Variants in YAP1 observed in about 807,000 individuals in gnomAD.
The protein encoded by YAP1 is Yes1 associated transcriptional regulator, also known as transcriptional coactivator YAP1.
YAP1 carries 5 observed loss-of-function variants against 56.9 expected under a neutral mutation model. The observed-to-expected ratio is 0.09, with a 90% CI of 0.05 to 0.18. The LOEUF (loss-of-function observed/expected upper bound fraction) is 0.18. Among genes scored for constraint, YAP1 ranks in the 10% least tolerant of loss-of-function variants. The pLI is 1.00. For synonymous variants in YAP1, 265 were observed against 248.1 expected (o/e 1.07, Z -0.64); for missense variants, 539 against 651.8 (o/e 0.83, Z 1.88).
intron 2 of YAP1, among the ~76,000 whole-genome samples, chr11:102,152,248 A>G (rs1344391769): frequency 6.6e-6 from 1 of 152,210 alleles, no homozygotes; most frequent in Non-Finnish European, 1.5e-5. Flanking sequence ...CTCACCGCTA[A>G]TGAAAAGCTA....
chr11:102,193,569 A>G (rs998455233), intron 4 of YAP1, among the ~76,000 whole-genome samples: 1 of 152,192 alleles, frequency 6.6e-6, no homozygotes, highest in African/African-American at 2.4e-5. Flanking sequence ...GAGTAGACAT[A>G]TGTTACGGAG....
chr11:102,144,921 T>C (rs1347102461), intron 2 of YAP1, among the ~76,000 whole-genome samples: 4 of 151,836 alleles, frequency 2.6e-5, no homozygotes, highest in South Asian at 4.2e-4. Flanking sequence ...CACACACTTA[T>C]TCTGTCTCTC....
At chr11:102,204,037 G>T (rs1949004113) in intron 4 of YAP1, among the ~76,000 whole-genome samples, 1 of 151,976 alleles carries the variant, frequency 6.6e-6, no homozygotes, top group African/African-American at 2.4e-5. Context: ...AGGGAGGTTG[G>T]TCTGTAATAT....
intron 3 of YAP1, among the ~76,000 whole-genome samples, chr11:102,180,550 C>T (rs1315235166): frequency 3.3e-5 from 5 of 151,156 alleles, no homozygotes; most frequent in Admixed American, 2.0e-4. Flanking sequence ...GGCATGGTGG[C>T]GGGCGCCTGT....
At chr11:102,157,821 ACT>A (rs1400830027) in intron 2 of YAP1, among the ~76,000 whole-genome samples, 1 of 152,198 alleles carries the variant, frequency 6.6e-6, no homozygotes, top group Non-Finnish European at 1.5e-5. Flanking sequence ...TGAGCAGGTC[ACT>A]ATCATCAAAA....
At chr11:102,165,872 T>A (rs914009479) in intron 3 of YAP1, among the ~76,000 whole-genome samples, 1 of 152,180 alleles carries the variant, frequency 6.6e-6, no homozygotes, top group Non-Finnish European at 1.5e-5. Context: ...TTAAATACTA[T>A]TAATAGTAGA....
At chr11:102,145,982 T>C (rs146799398) in intron 2 of YAP1, among the ~76,000 whole-genome samples, 162 of 152,288 alleles carry the variant, frequency 1.1e-3, no homozygotes, top group African/African-American at 3.8e-3. Context: ...TTGACCCAGA[T>C]AGTAAAGATA....
At chr11:102,157,930 T>A (rs186941110) in intron 2 of YAP1, among the ~76,000 whole-genome samples, 2 of 152,336 alleles carry the variant, frequency 1.3e-5, no homozygotes, top group Admixed American at 6.5e-5. Context: ...GCTGCATTTT[T>A]AAAAAAGTTT....
chr11:102,212,114 T>G (rs1949432175), intron 6 of YAP1, among the ~76,000 whole-genome samples: 1 of 152,230 alleles, frequency 6.6e-6, no homozygotes, highest in South Asian at 2.1e-4. Flanking sequence ...AAGACATCAC[T>G]CAGTATCTGA....
At position 102,228,959 on chromosome 11, in the gene YAP1, T is replaced by G. The variant is rs960018142; in HGVS notation, c.1277-743T>G. Among the ~76,000 whole-genome samples the G allele has an allele frequency of 5.9e-5, 9 of 152,218 alleles. No individual in the cohort carries two copies. In the East Asian group the frequency reaches 7.7e-4, roughly 13 times the overall value. ...TGATTATCTAGATGTTAAATCATCCTTAGGAGCCACTTCAAACCCATTTCA... is the reference window on the plus strand; with the variant it reads ...TGATTATCTAGATGTTAAATCATCCGTAGGAGCCACTTCAAACCCATTTCA... On this transcript the variant is annotated intron_variant, in intron 8 of 8. Coordinates refer to ENST00000282441, the MANE Select transcript of YAP1 (RefSeq NM_001130145.3).
intron 3 of YAP1, 132 bp from the exon 4 acceptor site, chr11:102,185,886 C>T (rs921368525): frequency 2.2e-6 from 2 of 891,400 alleles, no homozygotes; most frequent in Admixed American, 3.3e-5. Flanking sequence ...TCTCTGAACA[C>T]AGCCTTAAAT....
chr11:102,187,606 C>A (rs966928825), intron 4 of YAP1, among the ~76,000 whole-genome samples: 5 of 152,080 alleles, frequency 3.3e-5, no homozygotes, highest in Non-Finnish European at 5.9e-5. Flanking sequence ...GAATTTTTTT[C>A]CCTGACATAA....
chr11:102,210,592 A>G (rs541780637), intron 6 of YAP1, among the ~76,000 whole-genome samples: 2 of 152,332 alleles, frequency 1.3e-5, no homozygotes, highest in Admixed American at 1.3e-4. Flanking sequence ...ATAATAAGCC[A>G]TCTTCACCAA....
At position 102,175,671 on chromosome 11, in the gene YAP1, A is replaced by G. The variant is rs912782654; in HGVS notation, c.689-10347A>G. ...CTCAATGATACAGCTTATCGCTCTT[A>G]GGCTACAAACCTGGACAGCATGTTA... On this transcript the variant is annotated intron_variant, in intron 3 of 8. Transcript: ENST00000282441. 3.3e-5 allele frequency among the ~76,000 whole-genome samples: 5 copies of G among 152,212 alleles called. No homozygotes were observed. In the East Asian group the frequency reaches 9.6e-4, roughly 29 times the overall value.
chr11:102,209,680 A>T (rs1949298528), intron 6 of YAP1, 116 bp downstream of exon 6: 1 of 939,152 alleles, frequency 1.1e-6, no homozygotes, highest in African/African-American at 1.7e-5. Flanking sequence ...CCAGAGAATA[A>T]CTTTGAGCCA....
At chr11:102,155,981 A>C (rs1945916825) in intron 2 of YAP1, among the ~76,000 whole-genome samples, 1 of 151,988 alleles carries the variant, frequency 6.6e-6, no homozygotes, top group Admixed American at 6.5e-5. Flanking sequence ...ATTACTCCTA[A>C]GTCATGTCAT....
intron 2 of YAP1, among the ~76,000 whole-genome samples, chr11:102,152,985 A>G (rs73582003): frequency 0.015 from 2,312 of 152,310 alleles, 63 homozygotes; most frequent in African/African-American, 0.053. Context: ...AGGAGTGGGG[A>G]TGGGAAAGGA....
intron 7 of YAP1, 90 bp downstream of exon 7, chr11:102,223,842 A>G (rs1219541545): frequency 6.6e-7 from 1 of 1,520,944 alleles, no homozygotes; most frequent in South Asian, 1.2e-5. Flanking sequence ...TATTTGGAAC[A>G]TCTGTGTGGG....
At chr11:102,202,334 A>T (rs1591404208) in intron 4 of YAP1, among the ~76,000 whole-genome samples, 2 of 130,988 alleles carry the variant, frequency 1.5e-5, no homozygotes, top group South Asian at 2.6e-4. Flanking sequence ...CACCTGGCTA[A>T]TTTTTTTTTT....
Sources: allele counts gnomAD v4.1 joint callset (sites outside exome capture counted in the v4.1 genomes callset), GRCh38; gene constraint gnomAD v4.1.1; transcripts MANE v1.5; gene names NCBI Gene and HGNC (gene_info 2026-07-23, HGNC 2026-07-21).